Variants in PCDHGA7 observed in about 807,000 individuals in gnomAD.
PCDHGA7 encodes the protein protocadherin gamma subfamily A, 7.
In PCDHGA7, 44 loss-of-function variants were observed where a neutral mutation model predicts 58.3. The ratio of observed to expected loss-of-function variants is 0.75; its 90% CI spans 0.59 to 0.97. PCDHGA7 has a LOEUF of 0.97. Ranked by LOEUF, PCDHGA7 falls within the 50% of genes least tolerant of loss-of-function variation. PCDHGA7 has a pLI of 0.00. For synonymous variants in PCDHGA7, 516 were observed against 504.2 expected (o/e 1.02, Z -0.31); for missense variants, 1,266 against 1,188.7 (o/e 1.06, Z -0.96).
rs2099669219 is a variant in PCDHGA7, at chr5:141,487,927, C to T, written c.2425-6880C>T. 3 of 626,498 alleles carry T rather than the reference C, an allele frequency of 4.8e-6. No homozygotes were observed. Among genetic ancestry groups the T allele is most frequent in the Admixed American group, 5.9e-5 (2 of 34,100 alleles). The allele number at this position is 626,498 out of a possible 1,614,324, so 38.8% of individuals were successfully genotyped here. On this transcript the variant is annotated intron_variant, in intron 1 of 3. Coordinates refer to ENST00000518325, the MANE Select transcript of PCDHGA7 (RefSeq NM_018920.4). The surrounding 1 kb of genome is among the most constrained non-coding windows in gnomAD (Gnocchi z 5.0). ...TGGGAGCACAGGAGGCTACAGTGCA[C>T]AGGGTACAGTGCACCAGGCAGTCAC...
intron 1 of PCDHGA7, chr5:141,424,098 C>T: frequency 8.3e-6 from 7 of 846,340 alleles, no homozygotes; most frequent in Non-Finnish European, 1.0e-5. Flanking sequence ...TTTGCTATTA[C>T]TGCTAATGTT....
chr5:141,419,148 C>G, intron 1 of PCDHGA7: 1 of 1,613,940 alleles, frequency 6.2e-7, no homozygotes. Flanking sequence ...AGGGGCAAGC[C>G]TCCGTTATCC....
In PCDHGA7 at chr5:141,476,034, C is replaced by G. The variant is rs934044974; in HGVS notation, c.2425-18773C>G. On this transcript the variant is annotated intron_variant, in intron 1 of 3. Transcript: ENST00000518325. This position sits in a 1 kb window ranked among gnomAD's most constrained non-coding sequence, Gnocchi z 7.6. ...CCATGTCGGACTCGGCGCCCAGCGC[C>G]CAAGCGCTAACCCGCTGAAAGTTTC... The G allele has an allele frequency of 2.0e-6, 3 of 1,464,488 alleles. No homozygotes were observed. Among genetic ancestry groups the G allele is most frequent in the Non-Finnish European group, 2.7e-6 (3 of 1,100,656 alleles). 90.7% of individuals were successfully genotyped at this position (1,464,488 alleles called of 1,614,324 possible). A position where few individuals can be genotyped will look rare whatever the true frequency, so the allele number is the denominator to read the frequency against.
rs2095943632 is a variant in PCDHGA7 at position 141,415,767 on chromosome 5, TTTTTTACTTTC to T, written c.2424+30446_2424+30456del. ...TTTTTTTTTTTTTTTTTTTTTTTTT[TTTTTTACTTTC>T]TGGTAAAATTCACCTAGTCTCAATC... is the stretch of plus-strand genomic sequence containing the variant. On this transcript the variant is annotated intron_variant, in intron 1 of 3. Transcript: ENST00000518325. 3.1e-6 allele frequency: 4 copies of T among 1,300,754 alleles called. No individual in the cohort carries two copies. The Admixed American group carries it at 1.4e-4, about 46-fold the overall frequency. The allele number at this position is 1,300,754 out of a possible 1,614,324, so 80.6% of individuals were successfully genotyped here.
chr5:141,495,465 G>T (rs563411010), intron 2 of PCDHGA7, among the ~76,000 whole-genome samples: 11 of 152,298 alleles, frequency 7.2e-5, no homozygotes, highest in African/African-American at 2.4e-4. Flanking sequence ...TGTCTGTGGG[G>T]TCTCCGTGTC....
Position 141,490,532 on chromosome 5 carries a change from C to T in PCDHGA7, c.2425-4275C>T. Reference sequence around the variant, plus strand: ...GAGCTGCTGGCCAGCGATGCTGGTTCACCTTCCCTACACAAACATCTCACC... The same window carrying T: ...GAGCTGCTGGCCAGCGATGCTGGTTTACCTTCCCTACACAAACATCTCACC... On this transcript the variant is annotated intron_variant, in intron 1 of 3. Coordinates refer to ENST00000518325, the MANE Select transcript of PCDHGA7 (RefSeq NM_018920.4). This position sits in a 1 kb window ranked among gnomAD's most constrained non-coding sequence, Gnocchi z 5.4. 6.2e-7 allele frequency: 1 copy of T among 1,614,142 alleles called. No homozygotes were observed. Among genetic ancestry groups the T allele is most frequent in the Non-Finnish European group, 8.5e-7 (1 of 1,180,030 alleles).
At chr5:141,421,616 AC>A in intron 1 of PCDHGA7, 1 of 1,613,792 alleles carries the variant, frequency 6.2e-7, no homozygotes, top group Non-Finnish European at 8.5e-7. Context: ...ATTAATGATA[AC>A]GCCCCCAGCT....
chr5:141,454,010 G>A (rs998092071), intron 1 of PCDHGA7, among the ~76,000 whole-genome samples: 2 of 152,146 alleles, frequency 1.3e-5, no homozygotes, highest in African/African-American at 4.8e-5. Context: ...TAACATTTTA[G>A]AAAAATGTAT....
intron 3 of PCDHGA7, among the ~76,000 whole-genome samples, chr5:141,509,539 A>G (rs749824780): frequency 1.3e-5 from 2 of 152,160 alleles, no homozygotes; most frequent in East Asian, 1.9e-4. Context: ...ATGAAGCACC[A>G]TCTCATTTAG....
rs773174763 is a variant in PCDHGA7 at position 141,477,409 on chromosome 5, C to T, written c.2425-17398C>T. The T allele has an allele frequency of 1.4e-5, 22 of 1,614,058 alleles. No homozygotes were observed. The highest frequency in any genetic ancestry group is 1.7e-5 in the Admixed American group (1 of 60,006). On this transcript the variant is annotated intron_variant, in intron 1 of 3. Transcript: ENST00000518325. This position sits in a 1 kb window ranked among gnomAD's most constrained non-coding sequence, Gnocchi z 4.9. ...ACAACCTCAGCATCACCGCCCGAGA[C>T]GCCGGAACCCCTTCCCTCTCAGCCC...
In PCDHGA7 at chr5:141,405,081, C is replaced by T. The variant is rs749102403; in HGVS notation, c.2424+19758C>T. 1.0e-4 allele frequency: 163 copies of T among 1,613,766 alleles called. No homozygotes were observed. The highest frequency in any genetic ancestry group is 1.2e-4 in the Non-Finnish European group (138 of 1,179,768). ...TGTGTCTTCCTCACCTTCGTTATCA[C>T]GCTGCTGGCCCTCAGGCTGAGGCAC... On this transcript the variant is annotated intron_variant, in intron 1 of 3. Transcript: ENST00000518325.
chr5:141,455,859 TATTA>T (rs2098833777), intron 1 of PCDHGA7, among the ~76,000 whole-genome samples: 1 of 143,846 alleles, frequency 7.0e-6, no homozygotes, highest in African/African-American at 2.5e-5. Flanking sequence ...TAATTTCTTT[TATTA>T]TTTATTTATT....
chr5:141,404,890 A>G (rs745830169), intron 1 of PCDHGA7: 1 of 1,613,870 alleles, frequency 6.2e-7, no homozygotes, highest in Middle Eastern at 1.6e-4. Context: ...TGGTGGCTGT[A>G]CAGGACCATG....
intron 2 of PCDHGA7, among the ~76,000 whole-genome samples, chr5:141,503,568 C>T (rs1357099545): frequency 6.9e-6 from 1 of 144,390 alleles, no homozygotes; most frequent in Non-Finnish European, 1.5e-5. Context: ...CACTGTACTC[C>T]AGCCTGGGTG....
In PCDHGA7 at chr5:141,511,251, A is replaced by T. The variant is rs780892899; in HGVS notation, c.*78A>T. 2.0e-5 allele frequency: 32 copies of T among 1,571,672 alleles called. No homozygotes were observed. Among genetic ancestry groups the T allele is most frequent in the Non-Finnish European group, 2.6e-5 (30 of 1,158,828 alleles). ...TTCTCCTTACCTGCACCCAGGCCTC[A>T]GAGTTTCAGGGCTAACCCCCAGAAT... On this transcript the variant is annotated 3_prime_UTR_variant, in exon 4 of 4. Transcript: ENST00000518325.
chr5:141,396,813 T>C (rs1031435038), intron 1 of PCDHGA7, among the ~76,000 whole-genome samples: 4 of 152,240 alleles, frequency 2.6e-5, no homozygotes, highest in African/African-American at 9.6e-5. Context: ...AGTGTTCTAC[T>C]GTATGGTGCA....
intron 1 of PCDHGA7, among the ~76,000 whole-genome samples, chr5:141,462,355 A>T (rs1592773702): frequency 6.6e-6 from 1 of 152,226 alleles, no homozygotes; most frequent in East Asian, 1.9e-4. Context: ...AAAAATATAC[A>T]TTGTATAGTT....
rs1239481973 is a variant in PCDHGA7 at position 141,491,585 on chromosome 5, C to G, written c.2425-3222C>G. On this transcript the variant is annotated intron_variant, in intron 1 of 3. Coordinates refer to ENST00000518325, the MANE Select transcript of PCDHGA7 (RefSeq NM_018920.4). The surrounding 1 kb of genome is among the most constrained non-coding windows in gnomAD (Gnocchi z 6.9). ...TACAGGACGTGCTTTTCACCGGCCT[C>G]GGACGGCAGTGACTTCACTTTTCTA... 6.2e-7 allele frequency: 1 copy of G among 1,613,964 alleles called. No individual in the cohort carries two copies.
chr5:141,430,926 C>A (rs145535410), intron 1 of PCDHGA7: 4 of 1,607,308 alleles, frequency 2.5e-6, no homozygotes, highest in African/African-American at 1.3e-5. Context: ...GGGCTGGAGC[C>A]CCGGGAGCTC....
Sources: allele counts gnomAD v4.1 joint callset (sites outside exome capture counted in the v4.1 genomes callset), GRCh38; gene constraint gnomAD v4.1.1; non-coding constraint Gnocchi (gnomAD v3.1); transcripts MANE v1.5; gene names NCBI Gene and HGNC (gene_info 2026-07-23, HGNC 2026-07-21).